FOXP1: variants seen among roughly 807,000 people sequenced by gnomAD.
FOXP1 encodes the protein forkhead box protein P1.
FOXP1 carries 15 observed loss-of-function variants against 98.2 expected under a neutral mutation model. The observed-to-expected ratio is 0.15, with a 90% CI of 0.10 to 0.24. FOXP1 has a LOEUF of 0.24. Among genes scored for constraint, FOXP1 ranks in the 10% least tolerant of loss-of-function variants. The pLI, the probability that FOXP1 is intolerant of heterozygous loss-of-function variation, is 1.00. For missense variants in FOXP1, 633 were observed against 848.5 expected (o/e 0.75, Z 3.15); for synonymous variants, 371 against 314.5 (o/e 1.18, Z -1.90).
chr3:71,206,410 C>A (rs527705459), intron 5 of FOXP1, among the ~76,000 whole-genome samples: 1 of 152,146 alleles, frequency 6.6e-6, no homozygotes, highest in South Asian at 2.1e-4. Flanking sequence ...CTACAAAAAC[C>A]CATTGGAAAC....
At chr3:71,099,837 G>C (rs2056803159) in intron 7 of FOXP1, among the ~76,000 whole-genome samples, 1 of 152,178 alleles carries the variant, frequency 6.6e-6, no homozygotes, top group South Asian at 2.1e-4. Flanking sequence ...CTGAGTTTGT[G>C]TGGCAGTCCA....
Position 71,142,469 on chromosome 3 carries a change from G to T in FOXP1, c.181-29832C>A, listed in dbSNP as rs115719385. Among the ~76,000 whole-genome samples, 887 of 152,312 alleles carry T rather than the reference G, an allele frequency of 5.8e-3. 5 individuals are homozygous for T. Among genetic ancestry groups the T allele is most frequent in the African/African-American group, 0.02 (846 of 41,576 alleles). On this transcript the variant is annotated intron_variant, in intron 6 of 20. Coordinates refer to ENST00000649528, the MANE Select transcript of FOXP1 (RefSeq NM_001349338.3). ...TGAACCCTTTCAATTGGAGTTTAGA[G>T]CCCAGAGATAGAGGAAGTCAGATTC...
At chr3:71,349,731 A>G (rs1191960872) in intron 4 of FOXP1, among the ~76,000 whole-genome samples, 2 of 152,216 alleles carry the variant, frequency 1.3e-5, no homozygotes, top group Admixed American at 6.5e-5. Context: ...TTTGACAACC[A>G]ATGAGGTATA....
intron 3 of FOXP1, among the ~76,000 whole-genome samples, chr3:71,419,045 A>G (rs947422052): frequency 2.0e-5 from 3 of 151,378 alleles, no homozygotes; most frequent in Non-Finnish European, 1.5e-5. Context: ...GACCAGCCTG[A>G]CCAACATGGT....
At chr3:70,970,375 C>T (rs1384369875) in intron 19 of FOXP1, 2 of 298,582 alleles carry the variant, frequency 6.7e-6, no homozygotes, top group African/African-American at 4.4e-5. Context: ...AATAGAAGGT[C>T]ATGTGACGCA....
chr3:71,043,369 A>C (rs186966569), intron 10 of FOXP1, among the ~76,000 whole-genome samples: 1 of 152,300 alleles, frequency 6.6e-6, no homozygotes, highest in African/African-American at 2.4e-5. Flanking sequence ...CAAATTAAAC[A>C]AAGGGGAAAG....
At chr3:71,276,427 T>C (rs2070897401) in intron 5 of FOXP1, 1 of 152,102 alleles carries the variant, frequency 6.6e-6, no homozygotes, top group African/African-American at 2.4e-5. Flanking sequence ...TCCAGTTTCA[T>C]TATCTTCCAA....
rs773104551 is a variant in FOXP1, at chr3:71,000,964, G to T, written c.1062+8C>A. The T allele has an allele frequency of 6.3e-7, 1 of 1,583,152 alleles. No homozygotes were observed. ...TGAGGTTAATATTAAAAATAAATGT[G>T]GTTTTACCTGTAGCTCTAACTGCTG... On this transcript the variant is annotated splice_region_variant and intron_variant, in intron 13 of 20. Transcript: ENST00000649528.
At chr3:71,119,399 T>C (rs1201651723) in intron 6 of FOXP1, among the ~76,000 whole-genome samples, 1 of 152,190 alleles carries the variant, frequency 6.6e-6, no homozygotes, top group Non-Finnish European at 1.5e-5. Flanking sequence ...CTTCTTCTAA[T>C]TTCTTTTCCT....
chr3:71,533,122 T>C (rs2043992025), intron 2 of FOXP1, among the ~76,000 whole-genome samples: 2 of 152,204 alleles, frequency 1.3e-5, no homozygotes, highest in South Asian at 4.1e-4. Flanking sequence ...TTTTTGACTT[T>C]CTTAATATGA....
At chr3:70,999,100 T>C (rs1460791537) in intron 13 of FOXP1, among the ~76,000 whole-genome samples, 3 of 151,988 alleles carry the variant, frequency 2.0e-5, no homozygotes, top group Non-Finnish European at 4.4e-5. Flanking sequence ...TTCTTTCTCT[T>C]TTTTTTTGAG....
chr3:71,342,272 C>G (rs1264331208), intron 4 of FOXP1, among the ~76,000 whole-genome samples: 1 of 152,156 alleles, frequency 6.6e-6, no homozygotes, highest in African/African-American at 2.4e-5. Context: ...GTGATGTGGT[C>G]TGAGAGACCT....
intron 12 of FOXP1, among the ~76,000 whole-genome samples, chr3:71,001,761 C>T (rs1019011593): frequency 3.9e-5 from 6 of 152,154 alleles, no homozygotes; most frequent in Non-Finnish European, 8.8e-5. Context: ...AGGGAAAAGG[C>T]TAACAAATTG....
intron 6 of FOXP1, among the ~76,000 whole-genome samples, chr3:71,132,239 T>C (rs1300902049): frequency 6.6e-6 from 1 of 152,180 alleles, no homozygotes; most frequent in Non-Finnish European, 1.5e-5. Context: ...TAGTTCGAGA[T>C]GGGGCTAGAG....
At chr3:71,010,297 C>T (rs2043397489) in intron 12 of FOXP1, among the ~76,000 whole-genome samples, 2 of 152,130 alleles carry the variant, frequency 1.3e-5, no homozygotes, top group African/African-American at 4.8e-5. Flanking sequence ...AATAAGTCTT[C>T]TGAAGCCAGA....
At chr3:71,115,316 ATT>A in intron 6 of FOXP1, among the ~76,000 whole-genome samples, 1 of 75,000 alleles carries the variant, frequency 1.3e-5, no homozygotes, top group African/African-American at 4.5e-5. Flanking sequence ...TATTATTATT[ATT>A]TTATTTATTT....
chr3:71,511,628 T>C (rs2042211580), intron 2 of FOXP1, among the ~76,000 whole-genome samples: 1 of 152,244 alleles, frequency 6.6e-6, no homozygotes, highest in Admixed American at 6.5e-5. Flanking sequence ...GGTGGCCCTG[T>C]ATGAACACTG....
intron 2 of FOXP1, among the ~76,000 whole-genome samples, chr3:71,544,046 T>A (rs1251765350): frequency 6.6e-6 from 1 of 151,870 alleles, no homozygotes; most frequent in Non-Finnish European, 1.5e-5. Flanking sequence ...CACACATATA[T>A]GTGTGTATAC....
At chr3:71,498,765 T>G (rs1023692486) in intron 2 of FOXP1, among the ~76,000 whole-genome samples, 2 of 151,974 alleles carry the variant, frequency 1.3e-5, no homozygotes, top group East Asian at 1.9e-4. Flanking sequence ...TCCAGGGGGG[T>G]TTGTAAAACA....
Sources: allele counts gnomAD v4.1 joint callset (sites outside exome capture counted in the v4.1 genomes callset), GRCh38; gene constraint gnomAD v4.1.1; transcripts MANE v1.5; gene names NCBI Gene and HGNC (gene_info 2026-07-23, HGNC 2026-07-21).